KCNQ3: variants seen among roughly 807,000 people sequenced by gnomAD.
KCNQ3 encodes potassium voltage-gated channel subfamily Q member 3.
KCNQ3 carries 30 observed loss-of-function variants against 92.5 expected under a neutral mutation model. The observed-to-expected ratio is 0.32, with a 90% CI of 0.24 to 0.44. The LOEUF is 0.44. Among genes scored for constraint, KCNQ3 ranks in the 20% least tolerant of loss-of-function variants. The pLI, the probability that KCNQ3 is intolerant of heterozygous loss-of-function variation, is 1.00. For synonymous variants in KCNQ3, 450 were observed against 468.8 expected (o/e 0.96, Z 0.52); for missense variants, 913 against 1,140.3 (o/e 0.80, Z 2.87).
chr8:132,442,459 T>TTGG (rs1821562944), intron 1 of KCNQ3, among the ~76,000 whole-genome samples: 1 of 152,164 alleles, frequency 6.6e-6, no homozygotes, highest in African/African-American at 2.4e-5. Flanking sequence ...GCAGAACCAT[T>TTGG]TGGTGTGGGT....
intron 1 of KCNQ3, among the ~76,000 whole-genome samples, chr8:132,327,787 T>C (rs1191987500): frequency 2.0e-5 from 3 of 152,112 alleles, no homozygotes; most frequent in Admixed American, 2.0e-4. Flanking sequence ...TTGTGGAGGA[T>C]GAAAGGAGCT....
chr8:132,291,726 C>A (rs1324352592), intron 1 of KCNQ3, among the ~76,000 whole-genome samples: 2 of 152,166 alleles, frequency 1.3e-5, no homozygotes, highest in African/African-American at 4.8e-5. Flanking sequence ...GACCCCAGAG[C>A]CAAGGCCTCC....
In KCNQ3 at chr8:132,137,923, A is replaced by G; in HGVS notation, c.1662T>C (p.His554=). 1 of 1,614,042 alleles carries G rather than the reference A, an allele frequency of 6.2e-7. No individual in the cohort carries two copies. ...KDVIEQYSAG[H]LDMLSRIKYL... is the part of the protein sequence containing the mutation. ...ACTTTATCCTGGAAAGCATGTCGAG[A>G]TGCCCGGCAGAATACTGCTCAATCA... is the stretch of plus-strand genomic sequence containing the variant. Residue 554 remains histidine, a synonymous_variant, in exon 12 of 15, where the codon CAT becomes CAC. Transcript: ENST00000388996.
At chr8:132,307,146 G>A (rs1391866088) in intron 1 of KCNQ3, among the ~76,000 whole-genome samples, 3 of 152,204 alleles carry the variant, frequency 2.0e-5, no homozygotes, top group Non-Finnish European at 4.4e-5. Flanking sequence ...TGAGTTTGTG[G>A]TACCTTGGGA....
intron 1 of KCNQ3, among the ~76,000 whole-genome samples, chr8:132,254,350 T>C (rs1383627296): frequency 6.6e-6 from 1 of 152,182 alleles, no homozygotes; most frequent in Non-Finnish European, 1.5e-5. Context: ...ACATTAACAA[T>C]TTAAAAATAC....
intron 9 of KCNQ3, among the ~76,000 whole-genome samples, chr8:132,144,552 C>A (rs1001977308): frequency 6.6e-6 from 1 of 152,174 alleles, no homozygotes; most frequent in African/African-American, 2.4e-5. Flanking sequence ...TGCAGGCAAA[C>A]AACTTCCAAA....
At chr8:132,458,647 G>T (rs1168623236) in intron 1 of KCNQ3, among the ~76,000 whole-genome samples, 1 of 152,154 alleles carries the variant, frequency 6.6e-6, no homozygotes, top group Non-Finnish European at 1.5e-5. Context: ...TAGAGACGGG[G>T]TTTCGCCATG....
intron 1 of KCNQ3, among the ~76,000 whole-genome samples, chr8:132,412,215 G>A (rs781650981): frequency 6.6e-6 from 1 of 152,198 alleles, no homozygotes; most frequent in Non-Finnish European, 1.5e-5. Context: ...CAACATGAAA[G>A]AGCTTGAGAA....
In KCNQ3 at chr8:132,307,356, TG is replaced by T. The variant is rs1448946764; in HGVS notation, c.387-121176del. Among the ~76,000 whole-genome samples, 3 of 152,310 alleles carry T rather than the reference TG, an allele frequency of 2.0e-5. No homozygotes were observed. In the East Asian group the frequency reaches 5.8e-4, roughly 29 times the overall value. On this transcript the variant is annotated intron_variant, in intron 1 of 14. Transcript: ENST00000388996. Reference sequence around the variant, plus strand: ...TTGCACTACATACGCCCCTTAGGTTTGTGGCTGATTCAAGAGGGAGCTAGTG... The same window carrying T: ...TTGCACTACATACGCCCCTTAGGTTTTGGCTGATTCAAGAGGGAGCTAGTG...
chr8:132,381,425 G>A (rs941180621), intron 1 of KCNQ3, among the ~76,000 whole-genome samples: 6 of 152,248 alleles, frequency 3.9e-5, no homozygotes, highest in African/African-American at 4.8e-5. Context: ...ACTAAGAAAC[G>A]ACAGCCCTTC....
intron 1 of KCNQ3, among the ~76,000 whole-genome samples, chr8:132,392,864 A>G (rs2130772997): frequency 6.6e-6 from 1 of 151,000 alleles, no homozygotes; most frequent in Admixed American, 6.6e-5. Context: ...TTACCATATC[A>G]TATTTTAGTC....
chr8:132,231,998 C>A (rs188734569), intron 1 of KCNQ3, among the ~76,000 whole-genome samples: 1 of 152,294 alleles, frequency 6.6e-6, no homozygotes, highest in African/African-American at 2.4e-5. Context: ...GGAATAGTGA[C>A]TACCATCCCA....
chr8:132,381,873 T>C (rs1281710109), intron 1 of KCNQ3, among the ~76,000 whole-genome samples: 1 of 152,150 alleles, frequency 6.6e-6, no homozygotes, highest in East Asian at 1.9e-4. Context: ...TTGTCTCAGG[T>C]CAAACTGAGC....
chr8:132,291,023 G>T (rs1043223528), intron 1 of KCNQ3, among the ~76,000 whole-genome samples: 2 of 152,140 alleles, frequency 1.3e-5, no homozygotes, highest in African/African-American at 4.8e-5. Context: ...ATACTGTTGA[G>T]GTATCAAGTA....
intron 1 of KCNQ3, among the ~76,000 whole-genome samples, chr8:132,360,568 G>A (rs185143440): frequency 3.1e-4 from 47 of 152,244 alleles, no homozygotes; most frequent in Non-Finnish European, 3.2e-4. Context: ...TGAAGGAGGC[G>A]CCACCTCCAG....
At chr8:132,352,682 A>C (rs888843588) in intron 1 of KCNQ3, among the ~76,000 whole-genome samples, 4 of 152,064 alleles carry the variant, frequency 2.6e-5, no homozygotes, top group Non-Finnish European at 4.4e-5. Flanking sequence ...CTTTGATTTT[A>C]TTTTTCATTT....
At chr8:132,149,486 T>C (rs1178671158) in intron 9 of KCNQ3, among the ~76,000 whole-genome samples, 2 of 152,354 alleles carry the variant, frequency 1.3e-5, no homozygotes, top group East Asian at 3.9e-4. Context: ...GGTTTCTTCC[T>C]ACAACATTTT....
chr8:132,230,288 T>A (rs2130369993), intron 1 of KCNQ3, among the ~76,000 whole-genome samples: 2 of 152,126 alleles, frequency 1.3e-5, no homozygotes, highest in South Asian at 4.2e-4. Flanking sequence ...TAGGCCAAGA[T>A]GAAAAAGGCT....
chr8:132,236,425 C>T (rs1814817592), intron 1 of KCNQ3, among the ~76,000 whole-genome samples: 1 of 151,984 alleles, frequency 6.6e-6, no homozygotes, highest in East Asian at 1.9e-4. Context: ...AAACAAAAGG[C>T]AAAGGAGGTA....
Sources: gnomAD v4.1 joint callset for allele counts (sites outside exome capture counted in the v4.1 genomes callset) on GRCh38, gnomAD v4.1.1 for gene constraint, MANE v1.5 for transcripts, NCBI Gene and HGNC (gene_info 2026-07-23, HGNC 2026-07-21) for gene names.